Variants in KCTD16 observed in about 807,000 individuals in gnomAD.
KCTD16 encodes BTB/POZ domain-containing protein KCTD16.
KCTD16 carries 13 observed loss-of-function variants against 33.2 expected under a neutral mutation model. The ratio of observed to expected loss-of-function variants is 0.39; its 90% CI spans 0.25 to 0.62. The LOEUF (loss-of-function observed/expected upper bound fraction) is 0.62. Ranked by LOEUF, KCTD16 falls within the 20% of genes least tolerant of loss-of-function variation. KCTD16 has a pLI of 0.50. For synonymous variants in KCTD16, 197 were observed against 195.3 expected (o/e 1.01, Z -0.07); for missense variants, 441 against 525.1 (o/e 0.84, Z 1.57).
At chr5:144,471,387 T>C (rs1754469793) in intron 3 of KCTD16, among the ~76,000 whole-genome samples, 1 of 152,232 alleles carries the variant, frequency 6.6e-6, no homozygotes, top group African/African-American at 2.4e-5. Flanking sequence ...GTAATAGGTG[T>C]ATCCCAGCAT....
chr5:144,302,331 T>G (rs1218444419), intron 3 of KCTD16, among the ~76,000 whole-genome samples: 3 of 152,166 alleles, frequency 2.0e-5, no homozygotes, highest in Non-Finnish European at 4.4e-5. Flanking sequence ...GAGAAATAAG[T>G]TTAAAACAAG....
chr5:144,420,895 C>T lies in KCTD16; in HGVS notation c.833-52765C>T, dbSNP rs577163706. Among the ~76,000 whole-genome samples, 17 of 152,210 alleles carry T rather than the reference C, an allele frequency of 1.1e-4. No homozygotes were observed. In the South Asian group the frequency reaches 3.1e-3, roughly 28 times the overall value. On this transcript the variant is annotated intron_variant, in intron 3 of 3. Coordinates refer to ENST00000512467, the MANE Select transcript of KCTD16 (RefSeq NM_020768.4). ...GATGGCATTGGTTTGGATTGCCCTC[C>T]GAATGTGAATTTCACGCTTGATGAA...
At chr5:144,189,953 A>AT (rs1752808631) in intron 2 of KCTD16, among the ~76,000 whole-genome samples, 1 of 152,224 alleles carries the variant, frequency 6.6e-6, no homozygotes, top group South Asian at 2.1e-4. Flanking sequence ...CAACCTGTGA[A>AT]GACAGACTGG....
rs1754769657 is a variant in KCTD16, at chr5:144,484,760, G to C, written c.*10646G>C. On this transcript the variant is annotated 3_prime_UTR_variant, in exon 4 of 4. Transcript: ENST00000512467. ...ACGTCATTCAAGCACTTGATGACTTGGGTCAGTTTGTTGCACATTGATGAA... is the reference window on the plus strand; with the variant it reads ...ACGTCATTCAAGCACTTGATGACTTCGGTCAGTTTGTTGCACATTGATGAA... 6.6e-6 allele frequency: 1 copy of C among 151,950 alleles called. No homozygotes were observed. Among genetic ancestry groups the C allele is most frequent in the Admixed American group, 6.6e-5 (1 of 15,230 alleles). 9.4% of individuals were successfully genotyped at this position (151,950 alleles called of 1,614,324 possible).
At chr5:144,380,016 G>GC (rs1752175900) in intron 3 of KCTD16, among the ~76,000 whole-genome samples, 1 of 151,966 alleles carries the variant, frequency 6.6e-6, no homozygotes. Context: ...ATATGCAGTT[G>GC]CAAGTGTGGT....
At chr5:144,371,506 T>C (rs1751965826) in intron 3 of KCTD16, among the ~76,000 whole-genome samples, 1 of 152,160 alleles carries the variant, frequency 6.6e-6, no homozygotes, top group Non-Finnish European at 1.5e-5. Flanking sequence ...GTATGTGTTA[T>C]CTGTTTCTCA....
intron 3 of KCTD16, among the ~76,000 whole-genome samples, chr5:144,458,580 T>C (rs1010832665): frequency 6.6e-6 from 1 of 152,218 alleles, no homozygotes; most frequent in African/African-American, 2.4e-5. Context: ...TCTTAGACTC[T>C]AGGGGAACTC....
chr5:144,382,810 T>C (rs1272891791), intron 3 of KCTD16, among the ~76,000 whole-genome samples: 2 of 152,210 alleles, frequency 1.3e-5, no homozygotes, highest in African/African-American at 4.8e-5. Context: ...AAGCTCTTAT[T>C]TGGAGGTGCA....
At chr5:144,183,068 G>A (rs1474549991) in intron 2 of KCTD16, among the ~76,000 whole-genome samples, 1 of 151,748 alleles carries the variant, frequency 6.6e-6, no homozygotes, top group African/African-American at 2.4e-5. Flanking sequence ...TAAAAGAGTG[G>A]GAGTAAGACC....
At chr5:144,190,721 CTATTT>C (rs1472424747) in intron 2 of KCTD16, among the ~76,000 whole-genome samples, 1 of 152,086 alleles carries the variant, frequency 6.6e-6, no homozygotes, top group East Asian at 1.9e-4. Flanking sequence ...AATTAATATT[CTATTT>C]TATTTTTCTC....
chr5:144,412,937 A>C (rs1220252183), intron 3 of KCTD16, among the ~76,000 whole-genome samples: 4 of 152,160 alleles, frequency 2.6e-5, no homozygotes, highest in Admixed American at 2.6e-4. Flanking sequence ...CAGTAGGGTG[A>C]TATAGTTTAT....
chr5:144,402,791 T>C (rs984865000), intron 3 of KCTD16, among the ~76,000 whole-genome samples: 11 of 152,206 alleles, frequency 7.2e-5, no homozygotes, highest in African/African-American at 2.2e-4. Context: ...ATATCTGGTT[T>C]TTAAAATTAC....
At chr5:144,369,857 G>A (rs1318120817) in intron 3 of KCTD16, among the ~76,000 whole-genome samples, 1 of 152,096 alleles carries the variant, frequency 6.6e-6, no homozygotes, top group Non-Finnish European at 1.5e-5. Context: ...TAATAGTTAT[G>A]TATTTTTAAT....
intron 3 of KCTD16, among the ~76,000 whole-genome samples, chr5:144,389,173 T>G (rs910720723): frequency 3.9e-5 from 6 of 152,122 alleles, no homozygotes; most frequent in African/African-American, 1.2e-4. Flanking sequence ...AGAAATAAAT[T>G]GTTGCTGAAG....
At chr5:144,199,934 C>T (rs1190775981) in intron 2 of KCTD16, among the ~76,000 whole-genome samples, 3 of 151,802 alleles carry the variant, frequency 2.0e-5, no homozygotes, top group East Asian at 1.9e-4. Context: ...AGGATGGTCT[C>T]GATCTCCTGA....
chr5:144,315,990 C>T (rs1471162509), intron 3 of KCTD16, among the ~76,000 whole-genome samples: 1 of 141,368 alleles, frequency 7.1e-6, no homozygotes. Flanking sequence ...TCTTCAAAGC[C>T]TTTTTTTTTT....
intron 3 of KCTD16, among the ~76,000 whole-genome samples, chr5:144,328,926 G>T (rs1364277878): frequency 2.7e-5 from 4 of 149,690 alleles, no homozygotes; most frequent in African/African-American, 9.9e-5. Context: ...AATCGTTCTT[G>T]GTTCAGATTG....
At chr5:144,354,608 T>C (rs73795507) in intron 3 of KCTD16, among the ~76,000 whole-genome samples, 3,403 of 152,298 alleles carry the variant, frequency 0.022, 131 homozygotes, top group African/African-American at 0.077. Context: ...CTTTATTTTA[T>C]GTTGAAATTA....
At chr5:144,195,927 G>A (rs1156885463) in intron 2 of KCTD16, among the ~76,000 whole-genome samples, 2 of 152,176 alleles carry the variant, frequency 1.3e-5, no homozygotes, top group African/African-American at 4.8e-5. Flanking sequence ...CTTAACAGCA[G>A]TCATCACTTT....
Sources: allele counts gnomAD v4.1 joint callset (sites outside exome capture counted in the v4.1 genomes callset), GRCh38; gene constraint gnomAD v4.1.1; transcripts MANE v1.5; gene names NCBI Gene and HGNC (gene_info 2026-07-23, HGNC 2026-07-21).